The following FADS1 variants were observed in gnomAD, a reference collection of about 807,000 sequenced individuals.
FADS1 encodes the protein acyl-CoA (8-3)-desaturase.
In FADS1, 17 loss-of-function variants were observed where a neutral mutation model predicts 61.6. The observed-to-expected ratio is 0.28, with a 90% CI of 0.19 to 0.41. The LOEUF is 0.41. FADS1 is among the 10% of genes least tolerant of loss of function. The pLI is 1.00. For missense variants in FADS1, 387 were observed against 650.9 expected, an observed-to-expected ratio of 0.59 and a Z score of 4.41; for synonymous variants, 238 against 258.7, an observed-to-expected ratio of 0.92 and a Z score of 0.77.
chr11:61,805,109 C>T (rs1458071463), intron 6 of FADS1: 1 of 434,914 alleles, frequency 2.3e-6, no homozygotes, highest in Non-Finnish European at 4.1e-6. Flanking sequence ...CTCTTTTCTA[C>T]ATACACACTC....
chr11:61,816,698 T>C lies in FADS1; in HGVS notation c.232A>G (p.Thr78Ala). 6.3e-7 allele frequency: 1 copy of C among 1,581,088 alleles called. No individual in the cohort carries two copies. Among genetic ancestry groups the C allele is most frequent in the South Asian group, 1.2e-5 (1 of 86,876 alleles). ...GAGCGCTGGGCCACCTCGTCCCAGG[T>C]GAAGTAGCGCGGGGTAGGTCCCTGA... ...AAQGPTPRYF[T>A]WDEVAQRSGC... is the part of the protein sequence containing the mutation. Residue 78 changes from threonine to alanine, a missense_variant, in exon 1 of 12, where the codon ACC (threonine) becomes GCC (alanine). By Grantham distance (58) the Thr-to-Ala change is moderately conservative. This residue lies in a region of FADS1 where 257 missense variants were observed against 533.3 expected (regional missense o/e 0.48). Coordinates refer to ENST00000350997, the MANE Select transcript of FADS1 (RefSeq NM_013402.7). This position sits in a 1 kb window ranked among gnomAD's most constrained non-coding sequence, Gnocchi z 7.0.
chr11:61,810,429 G>A (rs1159431625), intron 5 of FADS1, among the ~76,000 whole-genome samples: 3 of 152,160 alleles, frequency 2.0e-5, no homozygotes, highest in Admixed American at 2.0e-4. Context: ...AGCACCTCCA[G>A]GAGGTGCCAT....
At chr11:61,812,420 C>T (rs781110552) in intron 3 of FADS1, 51 bp downstream of exon 3, 3 of 1,569,440 alleles carry the variant, frequency 1.9e-6, no homozygotes, top group African/African-American at 1.4e-5. Context: ...AAGGAGCTTT[C>T]CCCAGGGATG....
Position 61,803,250 on chromosome 11 carries a change from T to C in FADS1, c.1248+113A>G. 2 of 1,243,156 alleles carry C rather than the reference T, an allele frequency of 1.6e-6. No individual in the cohort carries two copies. Among genetic ancestry groups the C allele is most frequent in the East Asian group, 4.6e-5 (2 of 43,030 alleles). 77.0% of individuals were successfully genotyped at this position (1,243,156 alleles called of 1,614,324 possible). A position where few individuals can be genotyped will look rare whatever the true frequency, so the allele number is the denominator to read the frequency against. Reference sequence around the variant, plus strand: ...TTCACATGGTTGCAGAACAAGAGCCTCAGGCTAATGAGAAAATGCTGTTTG... The same window carrying C: ...TTCACATGGTTGCAGAACAAGAGCCCCAGGCTAATGAGAAAATGCTGTTTG... On this transcript the variant is annotated intron_variant, in intron 9 of 11. Transcript: ENST00000350997. This position sits in a 1 kb window ranked among gnomAD's most constrained non-coding sequence, Gnocchi z 4.3.
Position 61,804,749 on chromosome 11 carries a change from G to A in FADS1, c.989C>T (p.Ala330Val), listed in dbSNP as rs1403633252. ...CCACTGGAAGTAGAGAGGCAGCAAG[G>A]CTGGGGGCCCAACTGGGGAGGAAAC... ...HKYFFLIGPP[A>V]LLPLYFQWYI... The change falls in exon 7 of 12, where the codon GCC (alanine) becomes GTC (valine). Residue 330 changes from alanine (A) to valine (V), a missense_variant. Physicochemically the swap from Ala to Val is moderately conservative, Grantham distance 64. This residue lies in a region of FADS1 where 257 missense variants were observed against 533.3 expected (regional missense o/e 0.48). Transcript: ENST00000350997. The A allele has an allele frequency of 1.9e-6, 3 of 1,614,016 alleles. No homozygotes were observed.
chr11:61,816,268 C>T lies in FADS1; in HGVS notation c.375+287G>A. On this transcript the variant is annotated intron_variant, in intron 1 of 11. Coordinates refer to ENST00000350997, the MANE Select transcript of FADS1 (RefSeq NM_013402.7). The surrounding 1 kb of genome is among the most constrained non-coding windows in gnomAD (Gnocchi z 7.0). ...TCTGTCCCCGCCCAGAGACCTGAGG[C>T]TCGGGGCTGCAGATGGAATGCACGG... 3 of 1,598,084 alleles carry T rather than the reference C, an allele frequency of 1.9e-6. No individual in the cohort carries two copies. Among genetic ancestry groups the T allele is most frequent in the South Asian group, 1.1e-5 (1 of 91,058 alleles).
At chr11:61,813,636 A>C (rs2066948001) in intron 1 of FADS1, 1 of 356,638 alleles carries the variant, frequency 2.8e-6, no homozygotes, top group Non-Finnish European at 5.0e-6. Flanking sequence ...AAATGGACAA[A>C]TCAGCAGGAC....
chr11:61,811,995 G>A (rs2066934180), intron 3 of FADS1: 2 of 342,602 alleles, frequency 5.8e-6, no homozygotes, highest in Middle Eastern at 5.7e-4. Context: ...TTACAGACAT[G>A]AGTCACCACA....
At position 61,803,917 on chromosome 11, in the gene FADS1, G is replaced by A; in HGVS notation, c.1054-150C>T. On this transcript the variant is annotated intron_variant, in intron 7 of 11. Coordinates refer to ENST00000350997, the MANE Select transcript of FADS1 (RefSeq NM_013402.7). This position sits in a 1 kb window ranked among gnomAD's most constrained non-coding sequence, Gnocchi z 4.3. Reference sequence around the variant, plus strand: ...CAGGGGTCCAATCCTGCAGTATCTAGTGCCACTGCTCCTTTCTTCCATTCC... The same window carrying A: ...CAGGGGTCCAATCCTGCAGTATCTAATGCCACTGCTCCTTTCTTCCATTCC... 1.6e-6 allele frequency: 1 copy of A among 641,222 alleles called. No homozygotes were observed. The highest frequency in any genetic ancestry group is 2.5e-5 in the Admixed American group (1 of 40,242). 39.7% of individuals were successfully genotyped at this position (641,222 alleles called of 1,614,324 possible).
chr11:61,804,528 T>C (rs2066880417), intron 7 of FADS1, 157 bp downstream of exon 7: 1 of 620,088 alleles, frequency 1.6e-6, no homozygotes, highest in Admixed American at 3.0e-5. Context: ...TCAAATCATT[T>C]CGTCCCACTT....
chr11:61,810,199 G>A lies in FADS1; in HGVS notation c.915+552C>T, dbSNP rs186694924. ...ATTATTTCTGCTTACAACTTCAGAC[G>A]ACATCTCAAACCCAACGCTGACCAC... is the stretch of plus-strand genomic sequence containing the variant. On this transcript the variant is annotated intron_variant, in intron 5 of 11. Coordinates refer to ENST00000350997, the MANE Select transcript of FADS1 (RefSeq NM_013402.7). Among the ~76,000 whole-genome samples, 75 of 152,246 alleles carry A rather than the reference G, an allele frequency of 4.9e-4. 2 individuals carry two copies. The highest frequency in any genetic ancestry group is 1.9e-4 in the Non-Finnish European group (13 of 68,008).
intron 5 of FADS1, among the ~76,000 whole-genome samples, chr11:61,810,079 A>C (rs1262043517): frequency 1.3e-5 from 2 of 152,258 alleles, no homozygotes; most frequent in Admixed American, 1.3e-4. Context: ...AACTTTTCAA[A>C]GAATTCTGCT....
At chr11:61,809,934 C>T (rs1318581919) in intron 5 of FADS1, among the ~76,000 whole-genome samples, 1 of 152,206 alleles carries the variant, frequency 6.6e-6, no homozygotes, top group Non-Finnish European at 1.5e-5. Context: ...GCCAGGCTAC[C>T]TTGAACTCAT....
chr11:61,803,345 T>G lies in FADS1; in HGVS notation c.1248+18A>C. ...ATAGTTGTGTTATGCTCCAGTCTTCTGAGTGACTGTCCCTTACCTGGGTGG... is the reference window on the plus strand; with the variant it reads ...ATAGTTGTGTTATGCTCCAGTCTTCGGAGTGACTGTCCCTTACCTGGGTGG... On this transcript the variant is annotated intron_variant, in intron 9 of 11. Coordinates refer to ENST00000350997, the MANE Select transcript of FADS1 (RefSeq NM_013402.7). The surrounding 1 kb of genome is among the most constrained non-coding windows in gnomAD (Gnocchi z 4.3). 1.3e-6 allele frequency: 2 copies of G among 1,591,846 alleles called. No homozygotes were observed. The highest frequency in any genetic ancestry group is 2.2e-5 in the South Asian group (2 of 90,652).
At chr11:61,804,440 C>T (rs1465109551) in intron 7 of FADS1, 1 of 459,700 alleles carries the variant, frequency 2.2e-6, no homozygotes, top group East Asian at 3.3e-5. Context: ...AGCCCCCTGG[C>T]ATTATGCCCA....
In FADS1 at chr11:61,803,491, A is replaced by G; in HGVS notation, c.1152-32T>C. 2 of 1,564,652 alleles carry G rather than the reference A, an allele frequency of 1.3e-6. No homozygotes were observed. Among genetic ancestry groups the G allele is most frequent in the South Asian group, 2.2e-5 (2 of 90,100 alleles). On this transcript the variant is annotated intron_variant, in intron 8 of 11. Transcript: ENST00000350997. The surrounding 1 kb of genome is among the most constrained non-coding windows in gnomAD (Gnocchi z 4.3). ...GATGTATTACACAGACAAAAACAGT[A>G]CACACAGAGCCCAGAATTCTGATTC...
chr11:61,816,949 G>C lies in FADS1; in HGVS notation c.-20C>G. On this transcript the variant is annotated 5_prime_UTR_variant, in exon 1 of 12. Transcript: ENST00000350997. This position sits in a 1 kb window ranked among gnomAD's most constrained non-coding sequence, Gnocchi z 7.0. ...TCCCATTGGCCGAGCCTCGTGGCGC[G>C]GGGAGCGAGATCCCGTCCCCCGGTG... is the stretch of plus-strand genomic sequence containing the variant. The C allele has an allele frequency of 1.5e-6, 2 of 1,375,302 alleles. No individual in the cohort carries two copies. Among genetic ancestry groups the C allele is most frequent in the East Asian group, 3.1e-5 (1 of 32,786 alleles). The allele number at this position is 1,375,302 out of a possible 1,614,324, so 85.2% of individuals were successfully genotyped here. A position where few individuals can be genotyped will look rare whatever the true frequency, so the allele number is the denominator to read the frequency against.
rs1317751401 is a variant in FADS1, at chr11:61,815,029, C to T, written c.375+1526G>A. ...CACCGTTGTTCTGGGTAGGGCTCCACATTTCCCTAAGCACTCTGGCCACCC... is the reference window on the plus strand; with the variant it reads ...CACCGTTGTTCTGGGTAGGGCTCCATATTTCCCTAAGCACTCTGGCCACCC... On this transcript the variant is annotated intron_variant, in intron 1 of 11. Coordinates refer to ENST00000350997, the MANE Select transcript of FADS1 (RefSeq NM_013402.7). The surrounding 1 kb of genome is among the most constrained non-coding windows in gnomAD (Gnocchi z 6.4). The T allele has an allele frequency of 6.4e-6, 1 of 155,102 alleles. No homozygotes were observed. The highest frequency in any genetic ancestry group is 1.5e-5 in the Non-Finnish European group (1 of 68,364). 9.6% of individuals were successfully genotyped at this position (155,102 alleles called of 1,614,324 possible).
At position 61,803,765 on chromosome 11, in the gene FADS1, G is replaced by C. The variant is rs2066874378; in HGVS notation, c.1056C>G (p.Asp352Glu). 1 of 1,611,810 alleles carries C rather than the reference G, an allele frequency of 6.2e-7. No homozygotes were observed. Among genetic ancestry groups the C allele is most frequent in the East Asian group, 2.2e-5 (1 of 44,886 alleles). Residue 352 changes from aspartate to glutamate, a missense_variant and splice_region_variant, in exon 8 of 12, where the codon GAC (aspartate) becomes GAG (glutamate). By Grantham distance (45) the Asp-to-Glu change is conservative. Coordinates refer to ENST00000350997, the MANE Select transcript of FADS1 (RefSeq NM_013402.7). This position sits in a 1 kb window ranked among gnomAD's most constrained non-coding sequence, Gnocchi z 4.3. ...YFVIQRKKWV[D>E]LAWMITFYVR... Reference sequence around the variant, plus strand: ...CGTAGAAGGTAATCATCCAGGCCAAGTCCTATAGTGAGAAAAGCAGCGAGC... The same window carrying C: ...CGTAGAAGGTAATCATCCAGGCCAACTCCTATAGTGAGAAAAGCAGCGAGC...
Sources: allele counts gnomAD v4.1 joint callset (sites outside exome capture counted in the v4.1 genomes callset), GRCh38; gene constraint gnomAD v4.1.1; regional missense constraint gnomAD v4.1.1; non-coding constraint Gnocchi (gnomAD v3.1); transcripts MANE v1.5; gene names NCBI Gene and HGNC (gene_info 2026-07-23, HGNC 2026-07-21).